Variants in ANKRD28 observed in about 807,000 individuals in gnomAD.
ANKRD28 encodes serine/threonine-protein phosphatase 6 regulatory ankyrin repeat subunit A.
ANKRD28 carries 44 observed loss-of-function variants against 126.5 expected under a neutral mutation model. That is an observed-to-expected ratio of 0.35 (90% confidence interval 0.27 to 0.45). ANKRD28 has a LOEUF of 0.45. Among genes scored for constraint, ANKRD28 ranks in the 20% least tolerant of loss-of-function variants. The pLI, the probability that ANKRD28 is intolerant of heterozygous loss-of-function variation, is 1.00. For synonymous variants in ANKRD28, 442 were observed against 468.5 expected, an observed-to-expected ratio of 0.94 and a Z score of 0.73; for missense variants, 1,110 against 1,316.6, an observed-to-expected ratio of 0.84 and a Z score of 2.43.
intron 1 of ANKRD28, among the ~76,000 whole-genome samples, chr3:15,821,490 A>G (rs2060940737): frequency 6.6e-6 from 1 of 152,218 alleles, no homozygotes; most frequent in African/African-American, 2.4e-5. Flanking sequence ...ACTTATATTC[A>G]GCTCACTCAA....
chr3:15,709,550 A>T, intron 13 of ANKRD28, 118 bp downstream of exon 13: 1 of 595,290 alleles, frequency 1.7e-6, no homozygotes, highest in Non-Finnish European at 2.8e-6. Flanking sequence ...ACTCTCAATG[A>T]ATCATGATCA....
At chr3:15,772,127 G>A (rs2059044426) in intron 2 of ANKRD28, among the ~76,000 whole-genome samples, 1 of 151,988 alleles carries the variant, frequency 6.6e-6, no homozygotes, top group African/African-American at 2.4e-5. Flanking sequence ...AGAAAAGAAG[G>A]TCTTAAATCA....
chr3:15,723,290 C>T (rs1344724232), intron 7 of ANKRD28, among the ~76,000 whole-genome samples: 1 of 152,206 alleles, frequency 6.6e-6, no homozygotes, highest in East Asian at 1.9e-4. Context: ...GCCTATTTAG[C>T]CCTACAGTTC....
intron 3 of ANKRD28, among the ~76,000 whole-genome samples, chr3:15,756,806 C>T (rs994056264): frequency 1.1e-4 from 16 of 152,172 alleles, no homozygotes; most frequent in African/African-American, 3.9e-4. Flanking sequence ...GTTCTACAGT[C>T]AGCAATTCTA....
chr3:15,858,253 G>A (rs2061817850), intron 1 of ANKRD28, among the ~76,000 whole-genome samples: 1 of 152,154 alleles, frequency 6.6e-6, no homozygotes, highest in Non-Finnish European at 1.5e-5. Flanking sequence ...TGAAATACAA[G>A]GTATAAACTG....
In ANKRD28 at chr3:15,741,697, C is replaced by CTTTTTTTTT. The variant is rs58655271; in HGVS notation, c.352-4473_352-4465dup. The stretch of plus-strand genomic sequence containing the variant: ...ACCAGTTTTCCCCTTTGGTTCTATC[C>CTTTTTTTTT]TTTTTTTTTTTTTTTTTTTTTTTTT... On this transcript the variant is annotated intron_variant, in intron 4 of 27. Coordinates refer to ENST00000683139, the MANE Select transcript of ANKRD28 (RefSeq NM_001349278.2). 5.1e-4 allele frequency among the ~76,000 whole-genome samples: 17 copies of CTTTTTTTTT among 33,648 alleles called. 2 individuals carry two copies. Among genetic ancestry groups the CTTTTTTTTT allele is most frequent in the African/African-American group, 9.9e-4 (11 of 11,114 alleles). 22.1% of individuals were successfully genotyped at this position (33,648 alleles called of 152,430 possible). A position where few individuals can be genotyped will look rare whatever the true frequency, so the allele number is the denominator to read the frequency against.
intron 1 of ANKRD28, among the ~76,000 whole-genome samples, chr3:15,823,445 A>G (rs2060987760): frequency 6.6e-6 from 1 of 152,222 alleles, no homozygotes. Flanking sequence ...CTAGGACTAC[A>G]TGGCTTTGCT....
chr3:15,843,772 TAAA>T lies in ANKRD28; in HGVS notation c.27+15602_27+15604del, dbSNP rs35843528. Among the ~76,000 whole-genome samples the T allele has an allele frequency of 0.51, 74,108 of 146,504 alleles. 20,097 individuals are homozygous for T. Among genetic ancestry groups the T allele is most frequent in the Non-Finnish European group, 0.61 (40,320 of 65,770 alleles). On this transcript the variant is annotated intron_variant, in intron 1 of 27. Coordinates refer to the ANKRD28 transcript ENST00000399451. The surrounding 1 kb of genome is among the most constrained non-coding windows in gnomAD (Gnocchi z 5.2). ...GTAGGCCAGTTTGAGCCAAAAATAA[TAAA>T]AAAAAAAAAGAGGCAGAAATCAAAA...
chr3:15,854,522 T>C lies in ANKRD28; in HGVS notation c.27+4855A>G, dbSNP rs542164696. Among the ~76,000 whole-genome samples, 1 of 152,342 alleles carries C rather than the reference T, an allele frequency of 6.6e-6. No individual in the cohort carries two copies. The highest frequency in any genetic ancestry group is 1.9e-4 in the East Asian group (1 of 5,196). Reference sequence around the variant, plus strand: ...CTTACAGAGCTCACCAGGTTCTATTTTGTATTGCAAAAGGTATCCAAAAAG... The same window carrying C: ...CTTACAGAGCTCACCAGGTTCTATTCTGTATTGCAAAAGGTATCCAAAAAG... On this transcript the variant is annotated intron_variant, in intron 1 of 27. Transcript: ENST00000399451. The surrounding 1 kb of genome is among the most constrained non-coding windows in gnomAD (Gnocchi z 4.1).
At chr3:15,714,479 C>T (rs1428650035) in intron 9 of ANKRD28, 99 bp downstream of exon 9, 3 of 820,908 alleles carry the variant, frequency 3.7e-6, no homozygotes, top group South Asian at 1.9e-5. Context: ...ACACAAAATG[C>T]GATGACAATT....
intron 4 of ANKRD28, among the ~76,000 whole-genome samples, chr3:15,740,084 A>G (rs2075338078): frequency 6.6e-6 from 1 of 152,270 alleles, no homozygotes; most frequent in Non-Finnish European, 1.5e-5. Context: ...CCAATAATGC[A>G]TGAAACATGG....
chr3:15,725,204 T>C (rs1261980071), intron 6 of ANKRD28, among the ~76,000 whole-genome samples: 1 of 152,214 alleles, frequency 6.6e-6, no homozygotes, highest in African/African-American at 2.4e-5. Flanking sequence ...ATAAGTAATC[T>C]AGAGATGAAT....
intron 2 of ANKRD28, among the ~76,000 whole-genome samples, chr3:15,785,018 T>C (rs1313703809): frequency 6.6e-6 from 1 of 152,100 alleles, no homozygotes; most frequent in African/African-American, 2.4e-5. Context: ...TTTTGGTCAA[T>C]TTCAGTTCTA....
intron 14 of ANKRD28, among the ~76,000 whole-genome samples, chr3:15,696,953 A>T (rs2069673014): frequency 6.6e-6 from 1 of 152,224 alleles, no homozygotes; most frequent in African/African-American, 2.4e-5. Flanking sequence ...ACCCAGGGGA[A>T]AAGAAGTCAT....
chr3:15,809,465 G>A (rs2060661604), intron 1 of ANKRD28, among the ~76,000 whole-genome samples: 1 of 152,160 alleles, frequency 6.6e-6, no homozygotes, highest in Admixed American at 6.5e-5. Context: ...TCTCGTTCAG[G>A]AAAGAGCACA....
At chr3:15,757,090 C>T (rs1212854858) in intron 3 of ANKRD28, among the ~76,000 whole-genome samples, 2 of 152,228 alleles carry the variant, frequency 1.3e-5, no homozygotes, top group African/African-American at 4.8e-5. Flanking sequence ...TGATGATCTG[C>T]GTCCATTCAA....
Position 15,767,700 on chromosome 3 carries a change from T to TAAAAAAAAAA in ANKRD28, c.202-1398_202-1389dup, listed in dbSNP as rs57072807. ...TAACACAATGAAACCTAGTCTCTAC[T>TAAAAAAAAAA]AAAAAAAAAAAAAAAAAAAAAAAAA... is the stretch of plus-strand genomic sequence containing the variant. On this transcript the variant is annotated intron_variant, in intron 2 of 27. Coordinates refer to ENST00000683139, the MANE Select transcript of ANKRD28 (RefSeq NM_001349278.2). 1.1e-4 allele frequency among the ~76,000 whole-genome samples: 7 copies of TAAAAAAAAAA among 64,360 alleles called. 1 individual carries two copies. The highest frequency in any genetic ancestry group is 4.4e-4 in the Admixed American group (3 of 6,840). The allele number at this position is 64,360 out of a possible 152,430, so 42.2% of individuals were successfully genotyped here. A position where few individuals can be genotyped will look rare whatever the true frequency, so the allele number is the denominator to read the frequency against.
intron 9 of ANKRD28, 31 bp downstream of exon 9, chr3:15,714,547 A>AAAC (rs200662705): frequency 1.4e-4 from 204 of 1,463,536 alleles, no homozygotes; most frequent in South Asian, 2.6e-4. Context: ...AAAAAAAAAA[A>AAAC]CCCCAAAAAA....
intron 1 of ANKRD28, among the ~76,000 whole-genome samples, chr3:15,819,422 C>G (rs1045256247): frequency 6.6e-6 from 1 of 152,170 alleles, no homozygotes; most frequent in Non-Finnish European, 1.5e-5. Flanking sequence ...CAGTTCAAGA[C>G]AGTAAAATAT....
Sources: allele counts gnomAD v4.1 joint callset (sites outside exome capture counted in the v4.1 genomes callset), GRCh38; gene constraint gnomAD v4.1.1; non-coding constraint Gnocchi (gnomAD v3.1); transcripts MANE v1.5; gene names NCBI Gene and HGNC (gene_info 2026-07-23, HGNC 2026-07-21).